TET3: variants seen among roughly 807,000 people sequenced by gnomAD.
TET3 encodes methylcytosine dioxygenase TET3.
TET3 carries 19 observed loss-of-function variants against 141.4 expected under a neutral mutation model. That is an observed-to-expected ratio of 0.13 (90% CI 0.09 to 0.20). The LOEUF (loss-of-function observed/expected upper bound fraction) is 0.20, where lower values mean the gene tolerates loss of function less well. Ranked by LOEUF, TET3 falls within the 10% of genes least tolerant of loss-of-function variation. The pLI is 1.00. For synonymous variants in TET3, 1,043 were observed against 980.9 expected (o/e 1.06, Z -1.18); for missense variants, 1,874 against 2,356.9 (o/e 0.80, Z 4.24).
At chr2:74,037,420 G>C (rs1175708770) in intron 3 of TET3, among the ~76,000 whole-genome samples, 1 of 152,242 alleles carries the variant, frequency 6.6e-6, no homozygotes, top group Non-Finnish European at 1.5e-5. Flanking sequence ...CTCTAGGACT[G>C]AGATAAAGGA....
intron 2 of TET3, among the ~76,000 whole-genome samples, chr2:73,999,389 G>T (rs947733621): frequency 6.6e-6 from 1 of 152,192 alleles, no homozygotes; most frequent in Non-Finnish European, 1.5e-5. Context: ...AGTTAAAAAA[G>T]ATACAGTATA....
the TET3 span, among the ~76,000 whole-genome samples, chr2:74,113,943 GA>G: frequency 2.0e-5 from 3 of 150,808 alleles, no homozygotes; most frequent in African/African-American, 4.9e-5. Context: ...CACAGAAATA[GA>G]AAAAAAAATC....
intron 2 of TET3, among the ~76,000 whole-genome samples, chr2:73,992,129 T>C (rs1684357585): frequency 6.6e-6 from 1 of 151,804 alleles, no homozygotes; most frequent in African/African-American, 2.4e-5. Context: ...AGGGAAGAGG[T>C]AGGCTTACAA....
At chr2:74,059,942 G>C (rs1688415320) in intron 4 of TET3, among the ~76,000 whole-genome samples, 1 of 152,076 alleles carries the variant, frequency 6.6e-6, no homozygotes, top group Non-Finnish European at 1.5e-5. Context: ...ATGGTCTTTT[G>C]GGTTGTTTCC....
chr2:74,105,326 T>A lies in TET3; in HGVS notation c.*3150T>A. 2 of 398,640 alleles carry A rather than the reference T, an allele frequency of 5.0e-6. No individual in the cohort carries two copies. The highest frequency in any genetic ancestry group is 8.8e-6 in the Non-Finnish European group (2 of 226,078). 24.7% of individuals were successfully genotyped at this position (398,640 alleles called of 1,614,324 possible). A position where few individuals can be genotyped will look rare whatever the true frequency, so the allele number is the denominator to read the frequency against. ...TGGTTCCTTTTCTGCTCTGTTTTGT[T>A]TTCCCTGCCTGTTGCGTGCAAGGGA... On this transcript the variant is annotated 3_prime_UTR_variant, in exon 12 of 12. Coordinates refer to ENST00000409262, the MANE Select transcript of TET3 (RefSeq NM_001287491.2).
At chr2:74,044,490 G>T (rs1408017716) in intron 3 of TET3, among the ~76,000 whole-genome samples, 1 of 152,122 alleles carries the variant, frequency 6.6e-6, no homozygotes, top group Non-Finnish European at 1.5e-5. Flanking sequence ...ATCATCAATT[G>T]AAAGTATTGT....
chr2:73,992,592 G>A (rs1287033878), intron 2 of TET3, among the ~76,000 whole-genome samples: 3 of 152,164 alleles, frequency 2.0e-5, no homozygotes, highest in Admixed American at 6.5e-5. Flanking sequence ...GGGATTACAG[G>A]CGTGAGCCAC....
chr2:74,099,616 T>C lies in TET3; in HGVS notation c.3604+4T>C, dbSNP rs1428333667. The C allele has an allele frequency of 6.4e-7, 1 of 1,556,738 alleles. No individual in the cohort carries two copies. The highest frequency in any genetic ancestry group is 1.4e-5 in the African/African-American group (1 of 73,596). On this transcript the variant is annotated splice_donor_region_variant and intron_variant, in intron 11 of 11. Transcript: ENST00000409262. ...GCGGGCATTACGTCGGACCCAGGTGTGTGGGGGGAGGGTGCCCGCTTGGAG... is the reference window on the plus strand; with the variant it reads ...GCGGGCATTACGTCGGACCCAGGTGCGTGGGGGGAGGGTGCCCGCTTGGAG...
At chr2:74,110,302 C>G (rs1178470371), downstream of TET3, among the ~76,000 whole-genome samples, 4 of 152,124 alleles carry the variant, frequency 2.6e-5, no homozygotes, top group African/African-American at 9.7e-5. Context: ...TATTTTGAAT[C>G]TTAATTTTGT....
At chr2:74,129,239 C>A in the TET3 span, among the ~76,000 whole-genome samples, 1 of 133,790 alleles carries the variant, frequency 7.5e-6, no homozygotes, top group South Asian at 2.5e-4. Flanking sequence ...TCTCTTGAAC[C>A]CGGGAGGCAG....
intron 3 of TET3, among the ~76,000 whole-genome samples, chr2:74,020,733 G>A (rs924089310): frequency 5.3e-5 from 8 of 152,198 alleles, no homozygotes; most frequent in Non-Finnish European, 2.9e-5. Context: ...TGGAGAGAAG[G>A]GAATCCCTGC....
intron 3 of TET3, among the ~76,000 whole-genome samples, chr2:74,009,637 C>T (rs1395800053): frequency 1.3e-5 from 2 of 152,216 alleles, no homozygotes; most frequent in Admixed American, 1.3e-4. Flanking sequence ...CTGTCCTCTC[C>T]ATCCTAGGAC....
intron 3 of TET3, among the ~76,000 whole-genome samples, chr2:74,023,757 A>T (rs144122504): frequency 1.3e-5 from 2 of 152,106 alleles, no homozygotes; most frequent in African/African-American, 2.4e-5. Flanking sequence ...ATGTTTTCAA[A>T]GTTTTTAGTA....
chr2:74,043,444 G>C (rs568140331), intron 3 of TET3, among the ~76,000 whole-genome samples: 48 of 152,294 alleles, frequency 3.2e-4, no homozygotes, highest in Non-Finnish European at 6.0e-4. Flanking sequence ...ACCATCAAGT[G>C]GGGGAGGGAG....
At position 74,100,968 on chromosome 2, in the gene TET3, A is replaced by G. The variant is rs770954297; in HGVS notation, c.4180A>G (p.Arg1394Gly). 3.1e-6 allele frequency: 5 copies of G among 1,611,926 alleles called. No individual in the cohort carries two copies. Among genetic ancestry groups the G allele is most frequent in the Non-Finnish European group, 4.2e-6 (5 of 1,179,166 alleles). ...TGCCCAGAGCTCCAACTGCTACAAC[A>G]GATCCATCAAGCAAGAGCCAGTAGA... ...PFAQSSNCYN[R>G]SIKQEPVDPL... Residue 1394 changes from arginine to glycine, a missense_variant, in exon 12 of 12, where the codon AGA becomes GGA. Transcript: ENST00000409262.
At chr2:74,076,966 T>A (rs985086718) in intron 5 of TET3, among the ~76,000 whole-genome samples, 1 of 152,232 alleles carries the variant, frequency 6.6e-6, no homozygotes, top group Non-Finnish European at 1.5e-5. Flanking sequence ...TGTCATACTT[T>A]GTGGGTACCT....
At chr2:74,116,735 T>C in the TET3 span, among the ~76,000 whole-genome samples, 1 of 149,608 alleles carries the variant, frequency 6.7e-6, no homozygotes, top group African/African-American at 2.5e-5. Flanking sequence ...ATATGTACAA[T>C]TATTATTTGT....
At chr2:73,993,890 A>G (rs1558693128) in intron 2 of TET3, 1 of 152,212 alleles carries the variant, frequency 6.6e-6, no homozygotes, top group African/African-American at 2.4e-5. Context: ...TGTCCATAGA[A>G]TCTTAGGTCT....
intron 10 of TET3, among the ~76,000 whole-genome samples, chr2:74,097,120 A>AAAG (rs1475640964): frequency 5.2e-4 from 61 of 117,094 alleles, no homozygotes; most frequent in African/African-American, 1.5e-3. Context: ...AAGAAAAAAA[A>AAAG]AAAAAGAAAA....
Sources: gnomAD v4.1 joint callset for allele counts (sites outside exome capture counted in the v4.1 genomes callset) on GRCh38, gnomAD v4.1.1 for gene constraint, MANE v1.5 for transcripts, NCBI Gene and HGNC (gene_info 2026-07-23, HGNC 2026-07-21) for gene names.